The following SEMA3F variants were observed in gnomAD, a reference collection of about 807,000 sequenced individuals.
The protein encoded by SEMA3F is semaphorin 3F, also known as semaphorin-3F.
A neutral mutation model predicts 98.5 loss-of-function variants in SEMA3F; 30 were observed. That is an observed-to-expected ratio of 0.30 (90% CI 0.23 to 0.41). The LOEUF (loss-of-function observed/expected upper bound fraction) is 0.41. Among genes scored for constraint, SEMA3F ranks in the 10% least tolerant of loss-of-function variants. The pLI, the probability that SEMA3F is intolerant of heterozygous loss-of-function variation, is 1.00. For missense variants in SEMA3F, 866 were observed against 1,119.3 expected (o/e 0.77, Z 3.23); for synonymous variants, 380 against 444.8 (o/e 0.85, Z 1.83).
In SEMA3F at chr3:50,176,832, C is replaced by T; in HGVS notation, c.614C>T (p.Pro205Leu). Residue 205 changes from proline to leucine, a missense_variant, in exon 7 of 19, where the codon CCC becomes CTC. Coordinates refer to ENST00000002829, the MANE Select transcript of SEMA3F (RefSeq NM_004186.5). ...ESGKGKCPYDPKLDTASALIN... is the reference protein window; with the variant it reads ...ESGKGKCPYDLKLDTASALIN... The stretch of plus-strand genomic sequence containing the variant: ...GGGAAGGGCAAGTGTCCGTACGATC[C>T]CAAGCTGGACACAGCATCGGCCCTC... The T allele has an allele frequency of 6.2e-7, 1 of 1,613,734 alleles. No homozygotes were observed. Among genetic ancestry groups the T allele is most frequent in the Non-Finnish European group, 8.5e-7 (1 of 1,179,924 alleles).
chr3:50,157,770 C>T (rs916048187), intron 1 of SEMA3F, among the ~76,000 whole-genome samples: 5 of 152,140 alleles, frequency 3.3e-5, no homozygotes, highest in Non-Finnish European at 7.4e-5. Context: ...CTCCCCACCT[C>T]TCTGGACACA....
chr3:50,171,616 G>A (rs2624835), intron 2 of SEMA3F, among the ~76,000 whole-genome samples: 48,652 of 152,150 alleles, frequency 0.32, 8,399 homozygotes, highest in African/African-American at 0.4. Context: ...CCCAGCCTGG[G>A]GGGGCTCCAC....
intron 2 of SEMA3F, among the ~76,000 whole-genome samples, chr3:50,172,472 C>T (rs767145148): frequency 7.9e-5 from 12 of 152,128 alleles, no homozygotes; most frequent in Non-Finnish European, 1.6e-4. Context: ...GAGCCCCCTC[C>T]TGTCCTTCAT....
rs141286158 is a variant in SEMA3F at position 50,159,708 on chromosome 3, C to T, written c.86C>T (p.Thr29Met). ...CCCACCCAGGACCACCTCCCGGCCACGCCCCGGGTCCGGCTCTCATTCAAA... is the reference window on the plus strand; with the variant it reads ...CCCACCCAGGACCACCTCCCGGCCATGCCCCGGGTCCGGCTCTCATTCAAA... ...SFPTQDHLPA[T>M]PRVRLSFKEL... is the part of the protein sequence containing the mutation. Residue 29 changes from threonine to methionine, a missense_variant, in exon 2 of 19, where the codon ACG (threonine) becomes ATG (methionine). Thr to Met is a moderately conservative substitution (Grantham distance 81, BLOSUM62 -1). Around this residue, in one of 3 missense-constraint regions of SEMA3F, gnomAD observed 247 missense variants for 276.0 expected, o/e 0.89. Transcript: ENST00000002829. 1.6e-5 allele frequency: 26 copies of T among 1,611,964 alleles called. No homozygotes were observed. Among genetic ancestry groups the T allele is most frequent in the South Asian group, 8.8e-5 (8 of 90,970 alleles).
chr3:50,186,233 G>T (rs777381591), intron 16 of SEMA3F, 48 bp from the exon 17 acceptor site: 58 of 1,592,540 alleles, frequency 3.6e-5, no homozygotes, highest in Non-Finnish European at 4.2e-5. Flanking sequence ...AGGGACCTGG[G>T]GGGGCAAGCT....
chr3:50,176,362 C>T (rs545559565), intron 6 of SEMA3F, among the ~76,000 whole-genome samples: 8 of 152,274 alleles, frequency 5.3e-5, no homozygotes, highest in Non-Finnish European at 8.8e-5. Context: ...AGGTCTGCAG[C>T]GCTTTCTTGA....
At position 50,187,687 on chromosome 3, in the gene SEMA3F, C is replaced by G. The variant is rs199716424; in HGVS notation, c.1948-18C>G. On this transcript the variant is annotated intron_variant, in intron 18 of 18. Transcript: ENST00000002829. ...GGTGGTCACAGAGCCTCTGAACCCC[C>G]TCTCCTTGCCCCTGCAGATTCGTGC... is the stretch of plus-strand genomic sequence containing the variant. The G allele has an allele frequency of 1.9e-4, 301 of 1,554,538 alleles. 1 individual carries two copies. The East Asian group carries it at 5.4e-3, about 28-fold the overall frequency.
chr3:50,168,760 C>T (rs1187496604), intron 2 of SEMA3F, among the ~76,000 whole-genome samples: 3 of 152,072 alleles, frequency 2.0e-5, no homozygotes, highest in East Asian at 1.9e-4. Context: ...TGGGGGTATC[C>T]GGTAGGGACC....
chr3:50,185,414 C>T, intron 13 of SEMA3F, 29 bp from the exon 14 acceptor site: 1 of 1,596,334 alleles, frequency 6.3e-7, no homozygotes, highest in East Asian at 2.3e-5. Context: ...ATCCCCAGCC[C>T]CACTGAGGCC....
intron 11 of SEMA3F, 33 bp downstream of exon 11, chr3:50,183,288 G>C (rs1203936054): frequency 2.5e-6 from 4 of 1,610,412 alleles, no homozygotes; most frequent in Non-Finnish European, 3.4e-6. Flanking sequence ...CAGTGGCAGG[G>C]AGTGGCCCCG....
intron 2 of SEMA3F, among the ~76,000 whole-genome samples, chr3:50,167,781 T>G (rs1698458399): frequency 6.6e-6 from 1 of 152,286 alleles, no homozygotes; most frequent in Non-Finnish European, 1.5e-5. Flanking sequence ...GATAGATGTG[T>G]CAGGGATACA....
At chr3:50,167,345 G>A (rs1191163876) in intron 2 of SEMA3F, among the ~76,000 whole-genome samples, 2 of 152,232 alleles carry the variant, frequency 1.3e-5, no homozygotes, top group African/African-American at 2.4e-5. Context: ...CAGAAGGTCC[G>A]AAGTCATTGG....
intron 2 of SEMA3F, among the ~76,000 whole-genome samples, chr3:50,163,744 C>CA (rs1358430671): frequency 6.6e-6 from 1 of 152,124 alleles, no homozygotes; most frequent in Non-Finnish European, 1.5e-5. Context: ...GGAGGAGGCC[C>CA]AGGAGCTTTG....
chr3:50,184,548 C>A (rs1314531116), intron 12 of SEMA3F, 44 bp from the exon 13 acceptor site: 2 of 1,509,950 alleles, frequency 1.3e-6, no homozygotes, highest in Non-Finnish European at 1.8e-6. Flanking sequence ...TCCAGCCTGC[C>A]CTGCCCAGGC....
At chr3:50,157,897 C>T (rs567521418) in intron 1 of SEMA3F, among the ~76,000 whole-genome samples, 8 of 152,270 alleles carry the variant, frequency 5.3e-5, no homozygotes, top group South Asian at 2.1e-4. Flanking sequence ...CAGGAGCCCC[C>T]GTTACATAGT....
rs1473308073 is a variant in SEMA3F at position 50,188,014 on chromosome 3, G to A, written c.2257G>A (p.Val753Met). 1 of 1,602,420 alleles carries A rather than the reference G, an allele frequency of 6.2e-7. No homozygotes were observed. Among genetic ancestry groups the A allele is most frequent in the Non-Finnish European group, 8.5e-7 (1 of 1,175,534 alleles). Residue 753 changes from valine to methionine, a missense_variant, in exon 19 of 19, where the codon GTG becomes ATG. Val to Met is a conservative substitution (Grantham distance 21, BLOSUM62 1). This residue lies in a region of SEMA3F where 245 missense variants were observed against 260.5 expected (regional missense o/e 0.94). Coordinates refer to ENST00000002829, the MANE Select transcript of SEMA3F (RefSeq NM_004186.5). This position sits in a 1 kb window ranked among gnomAD's most constrained non-coding sequence, Gnocchi z 4.5. ...HQYCQGYWRH[V>M]PPSPREAPGA... ...GTACTGCCAGGGTTACTGGCGCCAT[G>A]TGCCCCCCAGCCCCAGGGAGGCTCC...
rs201737553 is a variant in SEMA3F, at chr3:50,185,840, G to A, written c.1588-49G>A. Reference sequence around the variant, plus strand: ...GAGCCCAGCCTAGCTGGCTGTTGGTGGGGCTGGCTATGGGACAGGAACTGA... The same window carrying A: ...GAGCCCAGCCTAGCTGGCTGTTGGTAGGGCTGGCTATGGGACAGGAACTGA... On this transcript the variant is annotated intron_variant, in intron 15 of 18. Transcript: ENST00000002829. The A allele has an allele frequency of 8.5e-4, 1,360 of 1,606,358 alleles. 5 individuals are homozygous for A. The highest frequency in any genetic ancestry group is 1.7e-3 in the Middle Eastern group (10 of 5,990).
At position 50,182,742 on chromosome 3, in the gene SEMA3F, C is replaced by T. The variant is rs1172493610; in HGVS notation, c.862C>T (p.Gln288Ter). ...CCGTGAGCGGTCGGCAGAGGCGCCG[C>T]AGAGCCCCGCGGTGTACGCCCGCAT... Reference protein sequence around the residue: ...FFRERSAEAPQSPAVYARIGR... With the variant: ...FFRERSAEAP The change falls in exon 9 of 19, where the codon CAG becomes TAG. Residue 288 changes from glutamine (Q) to a stop codon, truncating the protein, a stop_gained. Coordinates refer to ENST00000002829, the MANE Select transcript of SEMA3F (RefSeq NM_004186.5). LOFTEE classifies it high-confidence loss of function. This position sits in a 1 kb window ranked among gnomAD's most constrained non-coding sequence, Gnocchi z 4.5. The T allele has an allele frequency of 6.2e-7, 1 of 1,613,244 alleles. No homozygotes were observed. Among genetic ancestry groups the T allele is most frequent in the Non-Finnish European group, 8.5e-7 (1 of 1,180,044 alleles).
chr3:50,175,039 C>A, intron 5 of SEMA3F, 57 bp from the exon 6 acceptor site: 1 of 1,244,038 alleles, frequency 8.0e-7, no homozygotes, highest in Non-Finnish European at 1.2e-6. Flanking sequence ...GCAGCCCGAG[C>A]CCGCTCCCCC....
Sources: gnomAD v4.1 joint callset for allele counts (sites outside exome capture counted in the v4.1 genomes callset) on GRCh38, gnomAD v4.1.1 for gene constraint, gnomAD v4.1.1 regional missense constraint, Gnocchi (gnomAD v3.1) non-coding constraint, MANE v1.5 for transcripts, NCBI Gene and HGNC (gene_info 2026-07-23, HGNC 2026-07-21) for gene names.